Variants in DLG2 observed in about 807,000 individuals in gnomAD.
DLG2 encodes discs large MAGUK scaffold protein 2.
Under a neutral mutation model 132.5 loss-of-function variants are expected in DLG2, and 45 were observed. That is an observed-to-expected ratio of 0.34 (90% CI 0.27 to 0.44). The LOEUF (loss-of-function observed/expected upper bound fraction) is 0.44, where lower values mean the gene tolerates loss of function less well. DLG2 is among the 20% of genes least tolerant of loss of function. The pLI is 1.00. For synonymous variants in DLG2, 424 were observed against 419.6 expected, an observed-to-expected ratio of 1.01 and a Z score of -0.13; for missense variants, 1,045 against 1,196.9, an observed-to-expected ratio of 0.87 and a Z score of 1.87.
chr11:84,084,823 T>A (rs955022), intron 10 of DLG2, among the ~76,000 whole-genome samples: 3,661 of 152,324 alleles, frequency 0.024, 136 homozygotes, highest in African/African-American at 0.083. Flanking sequence ...TGGCCCACTT[T>A]CAGTAAGTTC....
At chr11:85,275,565 A>C (rs1437621855) in intron 4 of DLG2, among the ~76,000 whole-genome samples, 2 of 152,096 alleles carry the variant, frequency 1.3e-5, no homozygotes, top group African/African-American at 4.8e-5. Flanking sequence ...CAGAACTATT[A>C]TCTGATTCAG....
intron 7 of DLG2, among the ~76,000 whole-genome samples, chr11:84,353,319 C>T (rs969594890): frequency 2.0e-5 from 3 of 152,264 alleles, no homozygotes; most frequent in South Asian, 2.1e-4. Context: ...AAACTGAACT[C>T]GCCTTCTTCC....
chr11:83,472,639 C>T, intron 23 of DLG2, 88 bp downstream of exon 23: 1 of 1,160,144 alleles, frequency 8.6e-7, no homozygotes, highest in Non-Finnish European at 1.3e-6. Flanking sequence ...CGAGTTTATT[C>T]TCCTTAGTCC....
At chr11:85,007,922 G>A (rs1371222609) in intron 6 of DLG2, among the ~76,000 whole-genome samples, 2 of 151,980 alleles carry the variant, frequency 1.3e-5, no homozygotes, top group East Asian at 3.9e-4. Flanking sequence ...CTTAGGGTCA[G>A]TTGTGTTTCA....
chr11:83,503,661 G>A (rs1248969458), intron 21 of DLG2, among the ~76,000 whole-genome samples: 1 of 151,812 alleles, frequency 6.6e-6, no homozygotes, highest in East Asian at 1.9e-4. Flanking sequence ...ACATTTTTCT[G>A]TCTGCTTTAT....
intron 18 of DLG2, among the ~76,000 whole-genome samples, chr11:83,672,873 C>G (rs1364321910): frequency 6.6e-6 from 1 of 152,046 alleles, no homozygotes; most frequent in Non-Finnish European, 1.5e-5. Flanking sequence ...CCAGCCTGAC[C>G]AACATGGTGA....
intron 3 of DLG2, among the ~76,000 whole-genome samples, chr11:85,509,236 G>T (rs961009953): frequency 6.6e-6 from 1 of 151,986 alleles, no homozygotes. Context: ...CAGAAACCAA[G>T]AGTTTTTCTT....
chr11:84,596,409 G>A (rs1261814534), intron 6 of DLG2, among the ~76,000 whole-genome samples: 3 of 146,554 alleles, frequency 2.0e-5, no homozygotes, highest in Non-Finnish European at 3.0e-5. Context: ...TAGTAGTAGA[G>A]ACGGGGTTTC....
intron 6 of DLG2, among the ~76,000 whole-genome samples, chr11:85,046,100 C>T (rs1288988370): frequency 6.6e-6 from 1 of 152,042 alleles, no homozygotes; most frequent in East Asian, 1.9e-4. Flanking sequence ...CTCCCATAAA[C>T]CCCCTTTCTA....
At chr11:85,141,643 A>G (rs2152431979) in intron 5 of DLG2, among the ~76,000 whole-genome samples, 1 of 151,904 alleles carries the variant, frequency 6.6e-6, no homozygotes, top group African/African-American at 2.4e-5. Context: ...CCAATGTCCT[A>G]GAGAGTTTCT....
In DLG2 at chr11:84,099,043, T is replaced by C. The variant is rs1204349127; in HGVS notation, c.629A>G (p.Asn210Ser). The stretch of plus-strand genomic sequence containing the variant: ...AGCAATACTGAATCCCAGGCCAGAA[T>C]TCCCCTATAGAAACAAAAAGCAGAT... ...EFEEITLERGNSGLGFSIAGG... is the reference protein window; with the variant it reads ...EFEEITLERGSSGLGFSIAGG... Residue 210 changes from asparagine (N) to serine (S), a missense_variant, in exon 10 of 28, where the codon AAT becomes AGT. Physicochemically the swap from Asn to Ser is conservative, Grantham distance 46. Transcript: ENST00000376104. 8 of 1,612,872 alleles carry C rather than the reference T, an allele frequency of 5.0e-6. No homozygotes were observed. The African/African-American group carries it at 5.3e-5, about 11-fold the overall frequency.
At chr11:83,538,433 T>A (rs1391110687) in intron 20 of DLG2, among the ~76,000 whole-genome samples, 4 of 152,222 alleles carry the variant, frequency 2.6e-5, no homozygotes. Flanking sequence ...GGCTTAGCCC[T>A]CTGCTGCCAC....
At chr11:85,476,210 T>C (rs1046107608) in intron 3 of DLG2, among the ~76,000 whole-genome samples, 2 of 152,114 alleles carry the variant, frequency 1.3e-5, no homozygotes, top group Admixed American at 6.5e-5. Flanking sequence ...TTTGTGTATC[T>C]AAACATAGAA....
chr11:84,746,867 A>G (rs1043475730), intron 6 of DLG2, among the ~76,000 whole-genome samples: 19 of 152,140 alleles, frequency 1.2e-4, no homozygotes, highest in Admixed American at 1.2e-3. Flanking sequence ...AGGTAGTAAG[A>G]TAACTGTGGC....
chr11:84,183,002 G>A (rs1269143233), intron 8 of DLG2, among the ~76,000 whole-genome samples: 1 of 152,088 alleles, frequency 6.6e-6, no homozygotes, highest in African/African-American at 2.4e-5. Context: ...GAAATGAACT[G>A]TTTTCTTGAA....
chr11:85,464,153 C>T (rs1473256322), intron 3 of DLG2, among the ~76,000 whole-genome samples: 3 of 152,128 alleles, frequency 2.0e-5, no homozygotes, highest in Admixed American at 2.0e-4. Context: ...TAGTTTCCAA[C>T]ACTACATCAT....
chr11:85,394,118 T>TCTGCTTAACTTCTGTTC (rs2087062761), intron 3 of DLG2, among the ~76,000 whole-genome samples: 2 of 152,216 alleles, frequency 1.3e-5, no homozygotes, highest in Non-Finnish European at 2.9e-5. Flanking sequence ...AGACAGGTTG[T>TCTGCTTAACTTCTGTTC]CTGCCCTTAA....
At chr11:85,549,853 C>A (rs1436501740) in intron 3 of DLG2, among the ~76,000 whole-genome samples, 1 of 152,188 alleles carries the variant, frequency 6.6e-6, no homozygotes, top group Non-Finnish European at 1.5e-5. Context: ...TTTACAAATG[C>A]CATGGCAACA....
At chr11:84,462,060 C>G (rs2099081771) in intron 7 of DLG2, among the ~76,000 whole-genome samples, 1 of 150,972 alleles carries the variant, frequency 6.6e-6, no homozygotes, top group African/African-American at 2.4e-5. Flanking sequence ...CTATGACTCA[C>G]TTTTGTCATC....
Sources: gnomAD v4.1 joint callset for allele counts (sites outside exome capture counted in the v4.1 genomes callset) on GRCh38, gnomAD v4.1.1 for gene constraint, MANE v1.5 for transcripts, NCBI Gene and HGNC (gene_info 2026-07-23, HGNC 2026-07-21) for gene names.